The following LCORL variants were observed in gnomAD, a reference collection of about 807,000 sequenced individuals.
LCORL encodes the protein ligand-dependent nuclear receptor corepressor-like protein.
A neutral mutation model predicts 141.8 loss-of-function variants in LCORL; 41 were observed. The observed-to-expected ratio is 0.29, with a 90% CI of 0.23 to 0.38. The LOEUF (loss-of-function observed/expected upper bound fraction) is 0.38, where lower values mean the gene tolerates loss of function less well. Ranked by LOEUF, LCORL falls within the 10% of genes least tolerant of loss-of-function variation. LCORL has a pLI of 1.00. For synonymous variants in LCORL, 618 were observed against 694.1 expected (o/e 0.89, Z 1.72); for missense variants, 1,759 against 2,035.0 (o/e 0.86, Z 2.61).
intron 4 of LCORL, chr4:17,912,327 G>T (rs1266885942): frequency 4.4e-6 from 3 of 675,054 alleles, no homozygotes; most frequent in African/African-American, 1.8e-5. Context: ...AAGAGGAGCT[G>T]CTCTTCATGA....
In LCORL at chr4:17,893,644, T is replaced by C. The variant is rs139731656; in HGVS notation, c.683-7483A>G. 927 of 966,624 alleles carry C rather than the reference T, an allele frequency of 9.6e-4. 6 individuals are homozygous for C. The African/African-American group carries it at 0.016, about 16-fold the overall frequency. The allele number at this position is 966,624 out of a possible 1,614,324, so 59.9% of individuals were successfully genotyped here. A position where few individuals can be genotyped will look rare whatever the true frequency, so the allele number is the denominator to read the frequency against. ...TCATTTTCTTATTTGTTTTCTAGTT[T>C]TGCTACAGTAGGTAAAGCTATCTTC... is the stretch of plus-strand genomic sequence containing the variant. On this transcript the variant is annotated intron_variant, in intron 5 of 7. Coordinates refer to ENST00000635767, the Ensembl canonical transcript of LCORL.
intron 4 of LCORL, among the ~76,000 whole-genome samples, chr4:17,949,659 C>T (rs1169191737): frequency 6.6e-6 from 1 of 152,128 alleles, no homozygotes; most frequent in East Asian, 1.9e-4. Flanking sequence ...CTTTCTTCTC[C>T]TAGCTCTTAC....
At chr4:18,011,154 T>C (rs1441356641) in intron 1 of LCORL, among the ~76,000 whole-genome samples, 1 of 152,168 alleles carries the variant, frequency 6.6e-6, no homozygotes, top group African/African-American at 2.4e-5. Context: ...CATCAAGCTA[T>C]TCCTCTAACC....
In LCORL at chr4:17,882,182, C is replaced by T. The variant is rs1577318863; in HGVS notation, c.776+3886G>A. On this transcript the variant is annotated intron_variant, in intron 6 of 7. Coordinates refer to ENST00000635767, the Ensembl canonical transcript of LCORL. ...TACACGTATATATGATTATTAAATA[C>T]ACACAAACACAAGTGTAAAAACACA... 10 of 984,326 alleles carry T rather than the reference C, an allele frequency of 1.0e-5. 1 individual carries two copies. In the South Asian group the frequency reaches 4.7e-4, roughly 46 times the overall value. The allele number at this position is 984,326 out of a possible 1,614,324, so 61.0% of individuals were successfully genotyped here.
In LCORL at chr4:17,873,369, T is replaced by G. The variant is rs374075440; in HGVS notation, c.5602+19A>C. On this transcript the variant is annotated intron_variant, in intron 7 of 7. Coordinates refer to ENST00000635767, the Ensembl canonical transcript of LCORL. ...GGCACCTACAATGAAACTTTAAAAT[T>G]AAGTAGAGAAGAACTTACCTAGGGA... 1.3e-4 allele frequency: 159 copies of G among 1,230,268 alleles called. 1 individual carries two copies. The South Asian group carries it at 1.3e-3, about 10-fold the overall frequency. The allele number at this position is 1,230,268 out of a possible 1,614,324, so 76.2% of individuals were successfully genotyped here. A position where few individuals can be genotyped will look rare whatever the true frequency, so the allele number is the denominator to read the frequency against.
intron 4 of LCORL, among the ~76,000 whole-genome samples, chr4:17,939,724 G>A (rs1388570968): frequency 2.0e-5 from 3 of 151,976 alleles, no homozygotes; most frequent in Non-Finnish European, 1.5e-5. Context: ...TAGATCCAGT[G>A]ACTTAAAATT....
chr4:17,909,811 G>A (rs1452268945), intron 4 of LCORL, among the ~76,000 whole-genome samples: 1 of 151,910 alleles, frequency 6.6e-6, no homozygotes, highest in Admixed American at 6.6e-5. Context: ...TCTATAAAAT[G>A]TGCATTTCAT....
intron 2 of LCORL, among the ~76,000 whole-genome samples, chr4:17,966,220 A>T (rs920108588): frequency 6.6e-6 from 1 of 152,086 alleles, no homozygotes; most frequent in Admixed American, 6.6e-5. Flanking sequence ...CAGCTGGTTC[A>T]TTGGGGAAAA....
intron 4 of LCORL, among the ~76,000 whole-genome samples, chr4:17,921,718 G>C (rs1392993479): frequency 1.3e-5 from 2 of 152,164 alleles, no homozygotes; most frequent in African/African-American, 4.8e-5. Context: ...TTGTGTCTGG[G>C]AGGGTGTTGC....
At chr4:17,875,469 C>A (rs1411073586) in exon 7 of LCORL, 1 of 1,231,274 alleles carries the variant, frequency 8.1e-7, no homozygotes, top group Non-Finnish European at 1.0e-6. Context: ...TGGAAAATCA[C>A]CAGCATTATT....
chr4:17,864,017 G>T (rs1442964655), intron 7 of LCORL, among the ~76,000 whole-genome samples: 1 of 152,086 alleles, frequency 6.6e-6, no homozygotes, highest in Admixed American at 6.6e-5. Context: ...GTGGGAGGAG[G>T]GAGAGGACTG....
At chr4:17,882,018 G>C (rs1005156223) in intron 6 of LCORL, 2 of 981,952 alleles carry the variant, frequency 2.0e-6, no homozygotes, top group African/African-American at 3.5e-5. Flanking sequence ...CTAGTGTGCA[G>C]GTAACATTAA....
At chr4:17,887,843 T>G (rs569073892) in intron 5 of LCORL, among the ~76,000 whole-genome samples, 1 of 152,244 alleles carries the variant, frequency 6.6e-6, no homozygotes, top group East Asian at 1.9e-4. Flanking sequence ...ATTTCTCGTT[T>G]CTGGGCTTTC....
chr4:17,871,731 C>A (rs928979371), intron 7 of LCORL, among the ~76,000 whole-genome samples: 2 of 151,344 alleles, frequency 1.3e-5, no homozygotes, highest in African/African-American at 4.9e-5. Context: ...AAAAAAAAAA[C>A]CACTATCAGG....
At chr4:17,970,292 A>C (rs993707144) in intron 2 of LCORL, among the ~76,000 whole-genome samples, 1 of 152,216 alleles carries the variant, frequency 6.6e-6, no homozygotes, top group African/African-American at 2.4e-5. Flanking sequence ...CATTTCAGAT[A>C]TATCTACAAA....
intron 7 of LCORL, among the ~76,000 whole-genome samples, chr4:17,871,920 T>C (rs1726384320): frequency 6.6e-6 from 1 of 152,026 alleles, no homozygotes; most frequent in East Asian, 1.9e-4. Flanking sequence ...CACTACTTTC[T>C]GAAATAGGTT....
intron 1 of LCORL, among the ~76,000 whole-genome samples, chr4:17,976,514 G>T: frequency 6.6e-6 from 1 of 152,026 alleles, no homozygotes; most frequent in African/African-American, 2.4e-5. Flanking sequence ...CACTTAGTAT[G>T]TAATGTAAGA....
At chr4:17,955,867 C>G (rs1214747365) in intron 4 of LCORL, among the ~76,000 whole-genome samples, 1 of 151,892 alleles carries the variant, frequency 6.6e-6, no homozygotes, top group Non-Finnish European at 1.5e-5. Flanking sequence ...GAACTGAGTA[C>G]AGAGAGAAGT....
At chr4:17,971,455 C>CA (rs555817716) in intron 2 of LCORL, among the ~76,000 whole-genome samples, 196 of 143,468 alleles carry the variant, frequency 1.4e-3, no homozygotes, top group Middle Eastern at 3.8e-3. Context: ...TACATAATAG[C>CA]AAAAAAAAAA....
Sources: gnomAD v4.1 joint callset for allele counts (sites outside exome capture counted in the v4.1 genomes callset) on GRCh38, gnomAD v4.1.1 for gene constraint, MANE v1.5 for transcripts, NCBI Gene and HGNC (gene_info 2026-07-23, HGNC 2026-07-21) for gene names.